ATP13A3: variants seen among roughly 807,000 people sequenced by gnomAD.
ATP13A3 encodes ATPase 13A3, also known as polyamine-transporting ATPase 13A3.
In ATP13A3, 59 loss-of-function variants were observed where a neutral mutation model predicts 158.1. The observed-to-expected ratio is 0.37, with a 90% CI of 0.30 to 0.46. ATP13A3 has a LOEUF of 0.46. Ranked by LOEUF, ATP13A3 falls within the 20% of genes least tolerant of loss-of-function variation. ATP13A3 has a pLI of 1.00. For missense variants in ATP13A3, 1,166 were observed against 1,525.2 expected (o/e 0.76, Z 3.92); for synonymous variants, 491 against 504.3 (o/e 0.97, Z 0.35).
chr3:194,427,782 T>C (rs547163471), intron 28 of ATP13A3, among the ~76,000 whole-genome samples: 1 of 152,218 alleles, frequency 6.6e-6, no homozygotes, highest in Admixed American at 6.5e-5. Flanking sequence ...GAATCTTTAA[T>C]TGCAAAACTA....
intron 5 of ATP13A3, 113 bp downstream of exon 5, chr3:194,459,676 G>C: frequency 2.5e-6 from 3 of 1,213,982 alleles, no homozygotes; most frequent in Non-Finnish European, 3.4e-6. Flanking sequence ...TTTATATGCA[G>C]GTAAATTTAT....
chr3:194,430,325 A>G lies in ATP13A3; in HGVS notation c.2625-10T>C. ...CATCCCAACAAAATAACTAAGAAAC[A>G]AAACAATGTTAAGATTTTAATTAAT... On this transcript the variant is annotated splice_polypyrimidine_tract_variant and intron_variant, in intron 24 of 33. Coordinates refer to ENST00000645319, the MANE Select transcript of ATP13A3 (RefSeq NM_001367549.1). 1.9e-6 allele frequency: 3 copies of G among 1,612,078 alleles called. No individual in the cohort carries two copies. The highest frequency in any genetic ancestry group is 1.7e-6 in the Non-Finnish European group (2 of 1,178,552).
At position 194,405,818 on chromosome 3, in the gene ATP13A3, T is replaced by C; in HGVS notation, c.*101A>G. On this transcript the variant is annotated 3_prime_UTR_variant, in exon 34 of 34. Coordinates refer to ENST00000645319, the MANE Select transcript of ATP13A3 (RefSeq NM_001367549.1). Reference sequence around the variant, plus strand: ...ATAAGCTACTATATCAGAAGGGACATAAACTGAACTAGTGCCATTCTGACA... The same window carrying C: ...ATAAGCTACTATATCAGAAGGGACACAAACTGAACTAGTGCCATTCTGACA... 4.0e-6 allele frequency: 5 copies of C among 1,258,170 alleles called. No homozygotes were observed. The highest frequency in any genetic ancestry group is 4.6e-6 in the Non-Finnish European group (4 of 875,252). 77.9% of individuals were successfully genotyped at this position (1,258,170 alleles called of 1,614,324 possible).
intron 18 of ATP13A3, 42 bp from the exon 19 acceptor site, chr3:194,437,506 A>C (rs1412370449): frequency 6.2e-7 from 1 of 1,613,368 alleles, no homozygotes. Flanking sequence ...TAATATTCTT[A>C]AAGAATCAAA....
At chr3:194,416,468 G>A (rs1715863108) in intron 31 of ATP13A3, among the ~76,000 whole-genome samples, 1 of 150,984 alleles carries the variant, frequency 6.6e-6, no homozygotes, top group Admixed American at 6.6e-5. Flanking sequence ...AAAAAAAAAA[G>A]CATTAGATAA....
At chr3:194,456,271 A>C (rs948920877) in intron 7 of ATP13A3, among the ~76,000 whole-genome samples, 20 of 151,788 alleles carry the variant, frequency 1.3e-4, no homozygotes, top group Admixed American at 7.2e-4. Flanking sequence ...ACTAGATCTT[A>C]ACAATTTTGA....
At chr3:194,480,297 C>G (rs1026215645) in intron 2 of ATP13A3, among the ~76,000 whole-genome samples, 1 of 152,188 alleles carries the variant, frequency 6.6e-6, no homozygotes, top group Non-Finnish European at 1.5e-5. Flanking sequence ...CTGAAGCCCA[C>G]ATTTTTATCC....
intron 4 of ATP13A3, among the ~76,000 whole-genome samples, chr3:194,460,178 T>G (rs897920005): frequency 6.6e-6 from 1 of 152,242 alleles, no homozygotes; most frequent in Non-Finnish European, 1.5e-5. Flanking sequence ...TTTTATGACA[T>G]ATTTTACCGA....
chr3:194,403,484 TTTAAAAAG>T lies in ATP13A3; in HGVS notation c.*2427_*2434del, dbSNP rs1224371839. ...CACACATTAAAAATCTTGTTATTTA[TTTAAAAAG>T]TTAAAAAGTTACATATCATTATTTA... On this transcript the variant is annotated 3_prime_UTR_variant, in exon 34 of 34. Transcript: ENST00000645319. The T allele has an allele frequency of 6.6e-6, 1 of 152,238 alleles. No homozygotes were observed. Among genetic ancestry groups the T allele is most frequent in the East Asian group, 1.9e-4 (1 of 5,200 alleles). 9.4% of individuals were successfully genotyped at this position (152,238 alleles called of 1,614,324 possible). A position where few individuals can be genotyped will look rare whatever the true frequency, so the allele number is the denominator to read the frequency against.
Position 194,437,089 on chromosome 3 carries a change from C to T in ATP13A3, c.2120+6G>A, listed in dbSNP as rs1286958105. The T allele has an allele frequency of 4.3e-6, 7 of 1,613,072 alleles. No homozygotes were observed. Among genetic ancestry groups the T allele is most frequent in the African/African-American group, 1.3e-5 (1 of 74,898 alleles). On this transcript the variant is annotated splice_donor_region_variant and intron_variant, in intron 20 of 33. Transcript: ENST00000645319. ...CTGGGAAACTAGGAAAGCCGTTCAACCTCACCTGCTAATATTCTGTACTTT... is the reference window on the plus strand; with the variant it reads ...CTGGGAAACTAGGAAAGCCGTTCAATCTCACCTGCTAATATTCTGTACTTT...
intron 13 of ATP13A3, among the ~76,000 whole-genome samples, chr3:194,447,580 G>GT (rs369057743): frequency 0.026 from 3,646 of 142,656 alleles, 132 homozygotes; most frequent in African/African-American, 0.085. Context: ...TTTTTTTCCT[G>GT]TTTTTTTTTT....
chr3:194,467,678 A>G (rs978099337), intron 2 of ATP13A3, among the ~76,000 whole-genome samples: 3 of 152,214 alleles, frequency 2.0e-5, no homozygotes, highest in Admixed American at 6.5e-5. Flanking sequence ...CATTTAGAAC[A>G]TATGTATGTT....
intron 11 of ATP13A3, among the ~76,000 whole-genome samples, chr3:194,449,631 C>A (rs569579156): frequency 6.6e-6 from 1 of 151,676 alleles, no homozygotes; most frequent in Non-Finnish European, 1.5e-5. Flanking sequence ...GAGCCAAGAT[C>A]GCACCACTGC....
chr3:194,450,091 T>C, intron 11 of ATP13A3, 54 bp downstream of exon 11: 1 of 1,570,294 alleles, frequency 6.4e-7, no homozygotes, highest in Non-Finnish European at 8.7e-7. Flanking sequence ...ACTCACTAAC[T>C]TAGTCATGAT....
Position 194,419,932 on chromosome 3 carries a change from A to G in ATP13A3, c.3349T>C (p.Phe1117Leu), listed in dbSNP as rs1716167654. Residue 1117 changes from phenylalanine to leucine, a missense_variant, in exon 31 of 34, where the codon TTT (phenylalanine) becomes CTT (leucine). Coordinates refer to ENST00000645319, the MANE Select transcript of ATP13A3 (RefSeq NM_001367549.1). ...GGATACAACATGATGAATAATATAA[A>G]AATATATAAAAAAATCACAGAAAAA... ...FVFSVIFLYI[F>L]ILFIMLYPVA... 2 of 1,538,604 alleles carry G rather than the reference A, an allele frequency of 1.3e-6. No individual in the cohort carries two copies. Among genetic ancestry groups the G allele is most frequent in the Non-Finnish European group, 1.7e-6 (2 of 1,152,286 alleles).
At chr3:194,440,410 G>A (rs1159481623) in intron 16 of ATP13A3, among the ~76,000 whole-genome samples, 1 of 152,176 alleles carries the variant, frequency 6.6e-6, no homozygotes, top group Admixed American at 6.5e-5. Context: ...GGTGAGAATG[G>A]GTGAGGAAAG....
chr3:194,438,192 T>C (rs1234164752), intron 17 of ATP13A3, among the ~76,000 whole-genome samples: 1 of 151,920 alleles, frequency 6.6e-6, no homozygotes, highest in Non-Finnish European at 1.5e-5. Context: ...AAAGAACAAA[T>C]ATAAACAGGA....
Position 194,431,245 on chromosome 3 carries a change from G to A in ATP13A3, c.2422-19C>T, listed in dbSNP as rs1204793087. ...GAATAGCCTGTGTATATGAGACATT[G>A]GGAACAATATTTAGGCAACCAAACC... On this transcript the variant is annotated intron_variant, in intron 22 of 33. Transcript: ENST00000645319. 6.4e-7 allele frequency: 1 copy of A among 1,572,934 alleles called. No homozygotes were observed. Among genetic ancestry groups the A allele is most frequent in the Non-Finnish European group, 8.7e-7 (1 of 1,153,048 alleles).
rs201132045 is a variant in ATP13A3 at position 194,459,933 on chromosome 3, A to T, written c.264T>A (p.Val88=). Residue 88 remains valine, a synonymous_variant, in exon 5 of 34, where the codon GTT becomes GTA. Transcript: ENST00000645319. ...AAACTGGGTAAGTTTCCAAAGAAAGAACGCGAATTTTTGCACAAAACCACA... is the reference window on the plus strand; with the variant it reads ...AAACTGGGTAAGTTTCCAAAGAAAGTACGCGAATTTTTGCACAAAACCACA... ...FKMWFCAKIR[V]LSLETYPVSS... 31 of 1,613,166 alleles carry T rather than the reference A, an allele frequency of 1.9e-5. No homozygotes were observed. The highest frequency in any genetic ancestry group is 1.6e-4 in the Middle Eastern group (1 of 6,078).
Sources: gnomAD v4.1 joint callset for allele counts (sites outside exome capture counted in the v4.1 genomes callset) on GRCh38, gnomAD v4.1.1 for gene constraint, MANE v1.5 for transcripts, NCBI Gene and HGNC (gene_info 2026-07-23, HGNC 2026-07-21) for gene names.